Variants in CELF2 observed in about 807,000 individuals in gnomAD.
CELF2 encodes the protein CUG triplet repeat RNA-binding protein 2.
CELF2 carries 8 observed loss-of-function variants against 62.6 expected under a neutral mutation model. That is an observed-to-expected ratio of 0.13 (90% CI 0.07 to 0.23). CELF2 has a LOEUF of 0.23. Ranked by LOEUF, CELF2 falls within the 10% of genes least tolerant of loss-of-function variation. CELF2 has a pLI of 1.00. For missense variants in CELF2, 333 were observed against 671.0 expected, an observed-to-expected ratio of 0.50 and a Z score of 5.56; for synonymous variants, 258 against 250.0, an observed-to-expected ratio of 1.03 and a Z score of -0.30.
At chr10:10,827,542 C>A (rs191043391) in intron 1 of CELF2, among the ~76,000 whole-genome samples, 52 of 152,318 alleles carry the variant, frequency 3.4e-4, no homozygotes, top group African/African-American at 1.2e-3. Flanking sequence ...TCATATACTT[C>A]ACCCTAGCTA....
chr10:10,640,624 T>A, the CELF2 span, among the ~76,000 whole-genome samples: 3 of 152,202 alleles, frequency 2.0e-5, no homozygotes, highest in Non-Finnish European at 2.9e-5. Flanking sequence ...ATTTCTTGTA[T>A]CTCTGAATTT....
At chr10:10,827,907 A>G (rs143325671) in intron 1 of CELF2, among the ~76,000 whole-genome samples, 81 of 151,952 alleles carry the variant, frequency 5.3e-4, no homozygotes, top group African/African-American at 1.9e-3. Flanking sequence ...TTAAAAATAA[A>G]ACTAATTTGA....
intron 8 of CELF2, 58 bp downstream of exon 8, chr10:11,275,178 G>T: frequency 6.5e-7 from 1 of 1,532,332 alleles, no homozygotes; most frequent in Admixed American, 1.7e-5. Flanking sequence ...TTTGGGGTTG[G>T]TTCCGAGGGC....
At chr10:11,271,738 C>T (rs2083875186) in intron 7 of CELF2, among the ~76,000 whole-genome samples, 1 of 150,202 alleles carries the variant, frequency 6.7e-6, no homozygotes, top group South Asian at 2.1e-4. Flanking sequence ...TGTGTGTGTA[C>T]CCCATGTGTA....
intron 2 of CELF2, among the ~76,000 whole-genome samples, chr10:11,194,964 A>G (rs1588768622): frequency 6.6e-6 from 1 of 152,120 alleles, no homozygotes; most frequent in Non-Finnish European, 1.5e-5. Context: ...TTCTGCCCTG[A>G]ATTTGAATTT....
chr10:10,809,619 C>A (rs533160641), intron 1 of CELF2, among the ~76,000 whole-genome samples: 2 of 152,234 alleles, frequency 1.3e-5, no homozygotes, highest in African/African-American at 4.8e-5. Flanking sequence ...ATAATTGATG[C>A]TTTAGTACTT....
the CELF2 span, among the ~76,000 whole-genome samples, chr10:10,585,622 C>G: frequency 6.6e-6 from 1 of 152,062 alleles, no homozygotes; most frequent in African/African-American, 2.4e-5. Context: ...GCAGGAAGAA[C>G]AATAAAGTGT....
the CELF2 span, among the ~76,000 whole-genome samples, chr10:10,736,357 A>ATTCTTTCTTTCTTTCTTTCT: frequency 3.9e-3 from 432 of 109,654 alleles, 5 homozygotes; most frequent in Middle Eastern, 0.017. Context: ...ACTGATTTCT[A>ATTCTTTCTTTCTTTCTTTCT]TTCTTTCTTT....
chr10:11,070,948 A>G (rs2069749442), intron 1 of CELF2, among the ~76,000 whole-genome samples: 1 of 152,240 alleles, frequency 6.6e-6, no homozygotes, highest in African/African-American at 2.4e-5. Context: ...GGAACTAGCC[A>G]GCTATGAAAT....
At chr10:10,799,749 G>A (rs1032103814) in intron 1 of CELF2, among the ~76,000 whole-genome samples, 1 of 152,272 alleles carries the variant, frequency 6.6e-6, no homozygotes, top group African/African-American at 2.4e-5. Context: ...GAGCTAGAAA[G>A]GGCAGAGTTC....
rs915642101 is a variant in CELF2 at position 11,214,842 on chromosome 10, G to A, written c.272-2583G>A. On this transcript the variant is annotated intron_variant, in intron 2 of 12. Transcript: ENST00000633077. This position sits in a 1 kb window ranked among gnomAD's most constrained non-coding sequence, Gnocchi z 4.2. ...GTAGTGATAAGTGACTGACTTCACCGTACTAGTTGTAAAGGCAGAGTGGAC... is the reference window on the plus strand; with the variant it reads ...GTAGTGATAAGTGACTGACTTCACCATACTAGTTGTAAAGGCAGAGTGGAC... Among the ~76,000 whole-genome samples the A allele has an allele frequency of 4.6e-5, 7 of 152,176 alleles. No individual in the cohort carries two copies. The highest frequency in any genetic ancestry group is 4.1e-4 in the South Asian group (2 of 4,830).
At chr10:11,030,323 G>A (rs1318123198) in intron 1 of CELF2, 2 of 152,186 alleles carry the variant, frequency 1.3e-5, no homozygotes, top group African/African-American at 2.4e-5. Flanking sequence ...TCTCACAAAT[G>A]AGGATATTGA....
the CELF2 span, among the ~76,000 whole-genome samples, chr10:10,509,317 G>T: frequency 6.6e-6 from 1 of 152,130 alleles, no homozygotes; most frequent in Non-Finnish European, 1.5e-5. Flanking sequence ...CAATATTTAT[G>T]TGAAAATCCT....
intron 1 of CELF2, among the ~76,000 whole-genome samples, chr10:11,136,071 C>T (rs753191822): frequency 3.9e-5 from 6 of 152,306 alleles, no homozygotes; most frequent in Admixed American, 2.0e-4. Flanking sequence ...AAAACAGATG[C>T]AGAACCTGAG....
At chr10:10,752,750 A>G in the CELF2 span, among the ~76,000 whole-genome samples, 1 of 149,194 alleles carries the variant, frequency 6.7e-6, no homozygotes, top group Non-Finnish European at 1.5e-5. Context: ...ATCTAAAAGA[A>G]TTTAGGCAAA....
At chr10:11,133,830 G>A (rs2059984939) in intron 1 of CELF2, among the ~76,000 whole-genome samples, 1 of 152,170 alleles carries the variant, frequency 6.6e-6, no homozygotes, top group Non-Finnish European at 1.5e-5. Flanking sequence ...TCTTACAGAA[G>A]AAGGTAATTC....
the CELF2 span, among the ~76,000 whole-genome samples, chr10:10,614,500 C>G: frequency 6.6e-6 from 1 of 152,084 alleles, no homozygotes; most frequent in African/African-American, 2.4e-5. Flanking sequence ...CAAAACAAAA[C>G]TAAACTAAAG....
intron 2 of CELF2, among the ~76,000 whole-genome samples, chr10:10,952,565 C>A (rs1040120097): frequency 3.3e-5 from 5 of 152,084 alleles, no homozygotes; most frequent in Non-Finnish European, 7.3e-5. Context: ...GTCCCAGAGT[C>A]TCCACAGGGT....
the CELF2 span, among the ~76,000 whole-genome samples, chr10:10,544,881 A>G: frequency 5.9e-4 from 90 of 152,360 alleles, no homozygotes; most frequent in South Asian, 1.7e-3. Context: ...CGAATTTGAT[A>G]TTCTATAGGC....
Sources: gnomAD v4.1 joint callset for allele counts (sites outside exome capture counted in the v4.1 genomes callset) on GRCh38, gnomAD v4.1.1 for gene constraint, Gnocchi (gnomAD v3.1) non-coding constraint, MANE v1.5 for transcripts, NCBI Gene and HGNC (gene_info 2026-07-23, HGNC 2026-07-21) for gene names.